Variants in RAB21 observed in about 807,000 individuals in gnomAD.
RAB21 encodes the protein RAB21, member RAS oncogene family, also known as ras-related protein Rab-21.
RAB21 carries 13 observed loss-of-function variants against 33.1 expected under a neutral mutation model. That is an observed-to-expected ratio of 0.39 (90% CI 0.26 to 0.62). The LOEUF (loss-of-function observed/expected upper bound fraction) is 0.62. Ranked by LOEUF, RAB21 falls within the 20% of genes least tolerant of loss-of-function variation. The pLI is 0.48. For missense variants in RAB21, 234 were observed against 279.1 expected (o/e 0.84, Z 1.15); for synonymous variants, 91 against 103.7 (o/e 0.88, Z 0.74).
chr12:71,778,691 T>C (rs1291314212), intron 4 of RAB21, among the ~76,000 whole-genome samples: 1 of 152,188 alleles, frequency 6.6e-6, no homozygotes, highest in Non-Finnish European at 1.5e-5. Flanking sequence ...TTATATGTTA[T>C]AATAAATGCT....
rs561928256 is a variant in RAB21, at chr12:71,780,086, G to T, written c.392-1945G>T. Among the ~76,000 whole-genome samples the T allele has an allele frequency of 4.6e-5, 7 of 152,200 alleles. No homozygotes were observed. In the East Asian group the frequency reaches 1.3e-3, roughly 29 times the overall value. On this transcript the variant is annotated intron_variant, in intron 4 of 6. Transcript: ENST00000261263. ...TTTAAAATAATAGGTTATTAAGATA[G>T]CTATTTATTAATGGCCTGATTTATT...
At chr12:71,778,988 C>T (rs1200762106) in intron 4 of RAB21, among the ~76,000 whole-genome samples, 6 of 152,162 alleles carry the variant, frequency 3.9e-5, no homozygotes, top group Admixed American at 3.9e-4. Context: ...ACAATATTGA[C>T]TTTCCATTTG....
intron 6 of RAB21, among the ~76,000 whole-genome samples, chr12:71,784,634 G>A (rs1883256567): frequency 6.6e-6 from 1 of 151,958 alleles, no homozygotes; most frequent in Admixed American, 6.6e-5. Context: ...TATCTACGGG[G>A]TCTATTTCTG....
chr12:71,757,289 T>C (rs901938955), intron 1 of RAB21, among the ~76,000 whole-genome samples: 43 of 152,294 alleles, frequency 2.8e-4, no homozygotes, highest in African/African-American at 9.9e-4. Context: ...TTTGTATTTT[T>C]AGTAGAAACG....
At chr12:71,784,027 C>T (rs768497994) in intron 6 of RAB21, among the ~76,000 whole-genome samples, 1 of 151,968 alleles carries the variant, frequency 6.6e-6, no homozygotes, top group Admixed American at 6.6e-5. Context: ...TTAAAACATA[C>T]CTAAAAAATA....
Position 71,793,802 on chromosome 12 carries a change from T to C in RAB21, c.*8129T>C, listed in dbSNP as rs1055487241. On this transcript the variant is annotated 3_prime_UTR_variant, in exon 7 of 7. Coordinates refer to ENST00000261263, the MANE Select transcript of RAB21 (RefSeq NM_014999.4). ...AAAGGGCATTGTTAAAGGAAGGAGA[T>C]GGTAGATTTTGGGTTCTGGGTTCTA... The C allele has an allele frequency of 1.3e-5, 2 of 152,180 alleles. No homozygotes were observed. Among genetic ancestry groups the C allele is most frequent in the East Asian group, 3.8e-4 (2 of 5,198 alleles). 9.4% of individuals were successfully genotyped at this position (152,180 alleles called of 1,614,324 possible). A position where few individuals can be genotyped will look rare whatever the true frequency, so the allele number is the denominator to read the frequency against.
chr12:71,762,348 C>T (rs561100213), intron 1 of RAB21, among the ~76,000 whole-genome samples: 1 of 152,278 alleles, frequency 6.6e-6, no homozygotes, highest in East Asian at 1.9e-4. Context: ...CTCTGTCGCC[C>T]AGGCTGGAGT....
intron 4 of RAB21, among the ~76,000 whole-genome samples, chr12:71,781,603 A>C (rs189302151): frequency 5.4e-4 from 82 of 152,306 alleles, no homozygotes; most frequent in African/African-American, 1.8e-3. Context: ...AAGAGGCTAG[A>C]TTAATATATT....
intron 5 of RAB21, chr12:71,782,294 T>A (rs1479252698): frequency 1.8e-6 from 1 of 568,390 alleles, no homozygotes; most frequent in African/African-American, 1.9e-5. Flanking sequence ...ATACGAGTGA[T>A]ATAAAACAAA....
At position 71,775,654 on chromosome 12, in the gene RAB21, A is replaced by C. The variant is rs1450136685; in HGVS notation, c.391+1632A>C. On this transcript the variant is annotated intron_variant, in intron 4 of 6. Coordinates refer to ENST00000261263, the MANE Select transcript of RAB21 (RefSeq NM_014999.4). ...TGGGTTCAAGCGATTCTCCTCCCTC[A>C]GCCTCCCGAGCAGCTGGGACTACAG... Among the ~76,000 whole-genome samples, 3 of 152,196 alleles carry C rather than the reference A, an allele frequency of 2.0e-5. No individual in the cohort carries two copies. The South Asian group carries it at 6.2e-4, about 32-fold the overall frequency.
intron 1 of RAB21, among the ~76,000 whole-genome samples, chr12:71,766,242 C>T (rs375331575): frequency 1.2e-4 from 18 of 152,144 alleles, no homozygotes; most frequent in African/African-American, 3.6e-4. Flanking sequence ...GGTACTATGA[C>T]TTCCACCCAC....
At position 71,794,405 on chromosome 12, in the gene RAB21, T is replaced by TTATATATA. The variant is rs1197587877; in HGVS notation, c.*8748_*8755dup. ...AAAACAAAACAAAACCATATATATA[T>TTATATATA]TATATATATATATATATATATATTT... On this transcript the variant is annotated 3_prime_UTR_variant, in exon 7 of 7. Coordinates refer to ENST00000261263, the MANE Select transcript of RAB21 (RefSeq NM_014999.4). The TTATATATA allele has an allele frequency of 3.1e-3, 157 of 51,026 alleles. 2 individuals are homozygous for TTATATATA. The highest frequency in any genetic ancestry group is 0.015 in the African/African-American group (144 of 9,340). 3.2% of individuals were successfully genotyped at this position (51,026 alleles called of 1,614,324 possible).
chr12:71,785,874 C>A lies in RAB21; in HGVS notation c.*201C>A. ...GTGACCAGAGAATTGGCATTTTCTA[C>A]AAATGTTTTTTTTTGTTTTTTTTTT... On this transcript the variant is annotated 3_prime_UTR_variant, in exon 7 of 7. Coordinates refer to ENST00000261263, the MANE Select transcript of RAB21 (RefSeq NM_014999.4). 4.3e-5 allele frequency: 21 copies of A among 493,382 alleles called. No homozygotes were observed. The highest frequency in any genetic ancestry group is 7.6e-5 in the East Asian group (2 of 26,222). The allele number at this position is 493,382 out of a possible 1,614,324, so 30.6% of individuals were successfully genotyped here.
At chr12:71,784,812 T>G (rs1186760172) in intron 6 of RAB21, among the ~76,000 whole-genome samples, 1 of 152,060 alleles carries the variant, frequency 6.6e-6, no homozygotes, top group Non-Finnish European at 1.5e-5. Flanking sequence ...ATCGCTGTGG[T>G]CAGGGACAGT....
At position 71,755,133 on chromosome 12, in the gene RAB21, G is replaced by T. The variant is rs1325983668; in HGVS notation, c.4G>T (p.Ala2Ser). The T allele has an allele frequency of 1.4e-4, 178 of 1,236,860 alleles. 1 individual carries two copies. The highest frequency in any genetic ancestry group is 1.7e-4 in the Non-Finnish European group (170 of 990,202). The allele number at this position is 1,236,860 out of a possible 1,614,324, so 76.6% of individuals were successfully genotyped here. A position where few individuals can be genotyped will look rare whatever the true frequency, so the allele number is the denominator to read the frequency against. ...CGGGCGGCCGGGAAGCGACGGGATG[G>T]CTGCGGCCGGCGGCGGCGGCGGCGG... is the stretch of plus-strand genomic sequence containing the variant. The part of the protein sequence containing the change: M[A>S]AAGGGGGGAA... Residue 2 changes from alanine to serine, a missense_variant, in exon 1 of 7, where the codon GCT (alanine) becomes TCT (serine). Transcript: ENST00000261263.
chr12:71,789,780 A>G lies in RAB21; in HGVS notation c.*4107A>G. 1 of 152,142 alleles carries G rather than the reference A, an allele frequency of 6.6e-6. No homozygotes were observed. The highest frequency in any genetic ancestry group is 1.9e-4 in the East Asian group (1 of 5,202). The allele number at this position is 152,142 out of a possible 1,614,324, so 9.4% of individuals were successfully genotyped here. A position where few individuals can be genotyped will look rare whatever the true frequency, so the allele number is the denominator to read the frequency against. Reference sequence around the variant, plus strand: ...TGTTGCTGTTCTGTTATCTGTAATCAACTATAACAGAGTAATATATTTGGT... The same window carrying G: ...TGTTGCTGTTCTGTTATCTGTAATCGACTATAACAGAGTAATATATTTGGT... On this transcript the variant is annotated 3_prime_UTR_variant, in exon 7 of 7. Coordinates refer to ENST00000261263, the MANE Select transcript of RAB21 (RefSeq NM_014999.4).
Position 71,788,513 on chromosome 12 carries a change from A to G in RAB21, c.*2840A>G, listed in dbSNP as rs1883329513. ...GTCAACTTCAGTATATATACAAAGG[A>G]AAGACAAAGAGATGATAAACCAAGG... is the stretch of plus-strand genomic sequence containing the variant. On this transcript the variant is annotated 3_prime_UTR_variant, in exon 7 of 7. Transcript: ENST00000261263. The G allele has an allele frequency of 6.6e-6, 1 of 152,190 alleles. No individual in the cohort carries two copies. Among genetic ancestry groups the G allele is most frequent in the Non-Finnish European group, 1.5e-5 (1 of 68,028 alleles). 9.4% of individuals were successfully genotyped at this position (152,190 alleles called of 1,614,324 possible).
At position 71,766,897 on chromosome 12, in the gene RAB21, A is replaced by G. The variant is rs567228090; in HGVS notation, c.160-2903A>G. 3.3e-5 allele frequency among the ~76,000 whole-genome samples: 5 copies of G among 152,300 alleles called. No individual in the cohort carries two copies. In the South Asian group the frequency reaches 1.0e-3, roughly 32 times the overall value. ...AGCTGTCCTAAGAAGATAGATGTGGACACGTTGTGGAAGTCTTTGGATATA... is the reference window on the plus strand; with the variant it reads ...AGCTGTCCTAAGAAGATAGATGTGGGCACGTTGTGGAAGTCTTTGGATATA... On this transcript the variant is annotated intron_variant, in intron 1 of 6. Transcript: ENST00000261263.
At chr12:71,757,926 G>A (rs1439399239) in intron 1 of RAB21, among the ~76,000 whole-genome samples, 1 of 151,852 alleles carries the variant, frequency 6.6e-6, no homozygotes, top group Non-Finnish European at 1.5e-5. Flanking sequence ...GTTTAGTCAA[G>A]TGATTGTCCC....
Sources: allele counts gnomAD v4.1 joint callset (sites outside exome capture counted in the v4.1 genomes callset), GRCh38; gene constraint gnomAD v4.1.1; transcripts MANE v1.5; gene names NCBI Gene and HGNC (gene_info 2026-07-23, HGNC 2026-07-21).